The following BCAS3 variants were observed in gnomAD, a reference collection of about 807,000 sequenced individuals.
The protein encoded by BCAS3 is BCAS3 microtubule associated cell migration factor, also known as BCAS4/BCAS3 fusion.
A neutral mutation model predicts 116.1 loss-of-function variants in BCAS3; 53 were observed. That is an observed-to-expected ratio of 0.46 (90% confidence interval 0.37 to 0.57). The LOEUF (loss-of-function observed/expected upper bound fraction) is 0.57, where lower values mean the gene tolerates loss of function less well. Among genes scored for constraint, BCAS3 ranks in the 20% least tolerant of loss-of-function variants. The pLI is 0.00. For synonymous variants in BCAS3, 391 were observed against 408.2 expected (o/e 0.96, Z 0.51); for missense variants, 917 against 1,165.4 (o/e 0.79, Z 3.10).
At chr17:60,727,305 T>C (rs1406049382) in intron 5 of BCAS3, 5 of 1,195,098 alleles carry the variant, frequency 4.2e-6, no homozygotes, top group Non-Finnish European at 6.2e-6. Context: ...TTTGTGGTCT[T>C]AGCCTTCTTC....
At position 61,157,757 on chromosome 17, in the gene BCAS3, A is replaced by G. The variant is rs75061605; in HGVS notation, c.2425+73193A>G. Among the ~76,000 whole-genome samples, 5 of 152,302 alleles carry G rather than the reference A, an allele frequency of 3.3e-5. No homozygotes were observed. The East Asian group carries it at 5.8e-4, about 18-fold the overall frequency. On this transcript the variant is annotated intron_variant, in intron 22 of 23. Coordinates refer to ENST00000407086, the MANE Select transcript of BCAS3 (RefSeq NM_017679.5). ...GCAAGCTGCAAACTCTATTGAATGGAAAGTATTATCGCTGGCCACAAACGG... is the reference window on the plus strand; with the variant it reads ...GCAAGCTGCAAACTCTATTGAATGGGAAGTATTATCGCTGGCCACAAACGG...
intron 7 of BCAS3, among the ~76,000 whole-genome samples, chr17:60,816,955 A>G (rs1341030801): frequency 3.9e-5 from 6 of 152,154 alleles, no homozygotes; most frequent in Admixed American, 3.3e-4. Context: ...AGCAGGTGCT[A>G]TGTGCCCCAA....
At chr17:61,221,022 C>T (rs1469384732) in intron 22 of BCAS3, among the ~76,000 whole-genome samples, 1 of 152,186 alleles carries the variant, frequency 6.6e-6, no homozygotes, top group East Asian at 1.9e-4. Context: ...ATGGCATGAA[C>T]CCGGGAGGCA....
chr17:60,919,071 CTT>C (rs2058934945), intron 12 of BCAS3, among the ~76,000 whole-genome samples: 1 of 152,124 alleles, frequency 6.6e-6, no homozygotes, highest in African/African-American at 2.4e-5. Flanking sequence ...AGATCTATCT[CTT>C]TGGTGAATTT....
chr17:60,969,072 C>G (rs962815530), intron 14 of BCAS3, among the ~76,000 whole-genome samples: 1 of 152,042 alleles, frequency 6.6e-6, no homozygotes, highest in African/African-American at 2.4e-5. Context: ...AAGTCTGAAT[C>G]TCTTACCATT....
chr17:60,857,426 A>T (rs569451968), intron 7 of BCAS3, among the ~76,000 whole-genome samples: 1 of 152,154 alleles, frequency 6.6e-6, no homozygotes, highest in Non-Finnish European at 1.5e-5. Context: ...CAATCCTTTA[A>T]AAATAATCCA....
rs1472207953 is a variant in BCAS3 at position 61,222,802 on chromosome 17, C to T, written c.2425+138238C>T. ...TTTTTTGATTTTTGCTTTGAAGTTT[C>T]CTTTTGCCTCAGTCAGCTGCCTTGA... On this transcript the variant is annotated intron_variant, in intron 22 of 23. Transcript: ENST00000407086. The surrounding 1 kb of genome is among the most constrained non-coding windows in gnomAD (Gnocchi z 6.1). Among the ~76,000 whole-genome samples the T allele has an allele frequency of 6.6e-6, 1 of 152,140 alleles. No homozygotes were observed. The highest frequency in any genetic ancestry group is 1.5e-5 in the Non-Finnish European group (1 of 68,022).
intron 6 of BCAS3, among the ~76,000 whole-genome samples, chr17:60,787,763 C>T (rs1307666089): frequency 6.6e-6 from 1 of 151,990 alleles, no homozygotes; most frequent in Non-Finnish European, 1.5e-5. Context: ...CTGTGTATTT[C>T]CAACCAGAGA....
rs1425978746 is a variant in BCAS3 at position 61,327,828 on chromosome 17, C to T, written c.2426-40499C>T. Among the ~76,000 whole-genome samples, 1 of 152,156 alleles carries T rather than the reference C, an allele frequency of 6.6e-6. No homozygotes were observed. Among genetic ancestry groups the T allele is most frequent in the Non-Finnish European group, 1.5e-5 (1 of 68,034 alleles). On this transcript the variant is annotated intron_variant, in intron 22 of 23. Transcript: ENST00000407086. The surrounding 1 kb of genome is among the most constrained non-coding windows in gnomAD (Gnocchi z 5.9). ...CCCTGCCCAAGATCTGACTGAATAA[C>T]ACAAAGGTGACATCCAGTTCAAGGA... is the stretch of plus-strand genomic sequence containing the variant.
intron 22 of BCAS3, among the ~76,000 whole-genome samples, chr17:61,287,928 A>G (rs535972567): frequency 5.9e-5 from 9 of 152,318 alleles, no homozygotes; most frequent in Admixed American, 2.0e-4. Context: ...CATTATTTCT[A>G]TTTTAAGAGG....
At chr17:60,903,297 C>A (rs1224482377) in intron 11 of BCAS3, among the ~76,000 whole-genome samples, 1 of 152,146 alleles carries the variant, frequency 6.6e-6, no homozygotes, top group Non-Finnish European at 1.5e-5. Context: ...TTAAAGCAAA[C>A]CACAGAGTGG....
rs747869980 is a variant in BCAS3, at chr17:61,013,378, G to A, written c.1487-2373G>A. ...AGCTTGTGACAGAAAGTTGCAGTCT[G>A]ATTTCAAATTCAAGTTAATATTAGC... On this transcript the variant is annotated intron_variant, in intron 15 of 23. Coordinates refer to ENST00000407086, the MANE Select transcript of BCAS3 (RefSeq NM_017679.5). The surrounding 1 kb of genome is among the most constrained non-coding windows in gnomAD (Gnocchi z 4.4). Among the ~76,000 whole-genome samples the A allele has an allele frequency of 6.6e-6, 1 of 152,088 alleles. No individual in the cohort carries two copies. The highest frequency in any genetic ancestry group is 1.5e-5 in the Non-Finnish European group (1 of 67,960).
rs73993409 is a variant in BCAS3, at chr17:61,253,874, G to A, written c.2426-114453G>A. ...GGTTTACATGGGGGAAAACTGAAGCGCAGAAAGAAAAAGTGACTTGCCTTA... is the reference window on the plus strand; with the variant it reads ...GGTTTACATGGGGGAAAACTGAAGCACAGAAAGAAAAAGTGACTTGCCTTA... On this transcript the variant is annotated intron_variant, in intron 22 of 23. Coordinates refer to ENST00000407086, the MANE Select transcript of BCAS3 (RefSeq NM_017679.5). Among the ~76,000 whole-genome samples the A allele has an allele frequency of 4.8e-3, 733 of 152,152 alleles. 7 individuals are homozygous for A. The highest frequency in any genetic ancestry group is 0.015 in the African/African-American group (606 of 41,506).
intron 21 of BCAS3, among the ~76,000 whole-genome samples, chr17:61,079,749 C>A (rs896285209): frequency 6.6e-6 from 1 of 151,970 alleles, no homozygotes; most frequent in African/African-American, 2.4e-5. Flanking sequence ...GCGCCCGCCA[C>A]CAGACCCAGC....
At chr17:61,053,043 G>T (rs2069029149) in intron 19 of BCAS3, among the ~76,000 whole-genome samples, 1 of 151,966 alleles carries the variant, frequency 6.6e-6, no homozygotes, top group African/African-American at 2.4e-5. Context: ...TGAATAGCTG[G>T]GCTGTCTATT....
Position 61,356,210 on chromosome 17 carries a change from T to A in BCAS3, c.2426-12117T>A. On this transcript the variant is annotated intron_variant, in intron 22 of 23. Coordinates refer to ENST00000407086, the MANE Select transcript of BCAS3 (RefSeq NM_017679.5). This position sits in a 1 kb window ranked among gnomAD's most constrained non-coding sequence, Gnocchi z 5.4. ...GGTTTCACCGTGTTGGCCAGGCTGG[T>A]CTCGAACTCCTGACCTCAGGTGATC... Among the ~76,000 whole-genome samples the A allele has an allele frequency of 6.6e-6, 1 of 152,202 alleles. No individual in the cohort carries two copies. Among genetic ancestry groups the A allele is most frequent in the East Asian group, 1.9e-4 (1 of 5,192 alleles).
rs988771011 is a variant in BCAS3, at chr17:61,333,769, C to T, written c.2426-34558C>T. Among the ~76,000 whole-genome samples, 2 of 151,908 alleles carry T rather than the reference C, an allele frequency of 1.3e-5. No individual in the cohort carries two copies. Among genetic ancestry groups the T allele is most frequent in the Admixed American group, 6.6e-5 (1 of 15,252 alleles). On this transcript the variant is annotated intron_variant, in intron 22 of 23. Transcript: ENST00000407086. This position sits in a 1 kb window ranked among gnomAD's most constrained non-coding sequence, Gnocchi z 4.8. ...CCGAGTAGCTGGGATTACAGGGGCA[C>T]ACTACCACACCCAGCTCATTTTTAT...
At chr17:61,295,012 G>A (rs921201349) in intron 22 of BCAS3, among the ~76,000 whole-genome samples, 3 of 152,230 alleles carry the variant, frequency 2.0e-5, no homozygotes, top group African/African-American at 7.2e-5. Context: ...TCAAGACTGT[G>A]TCTGGCAGGA....
chr17:60,714,797 T>C (rs1257316420), intron 5 of BCAS3, among the ~76,000 whole-genome samples: 2 of 152,198 alleles, frequency 1.3e-5, no homozygotes, highest in African/African-American at 4.8e-5. Context: ...TAGAGTCAGC[T>C]CAAAAGCAGA....
Sources: allele counts gnomAD v4.1 joint callset (sites outside exome capture counted in the v4.1 genomes callset), GRCh38; gene constraint gnomAD v4.1.1; non-coding constraint Gnocchi (gnomAD v3.1); transcripts MANE v1.5; gene names NCBI Gene and HGNC (gene_info 2026-07-23, HGNC 2026-07-21).